The following CSMD1 variants were observed in gnomAD, a reference collection of about 807,000 sequenced individuals.
CSMD1 encodes CUB and Sushi multiple domains 1, also known as CUB and sushi domain-containing protein 1.
A neutral mutation model predicts 417.5 loss-of-function variants in CSMD1; 213 were observed. That is an observed-to-expected ratio of 0.51 (90% CI 0.46 to 0.57). The LOEUF is 0.57. Among genes scored for constraint, CSMD1 ranks in the 20% least tolerant of loss-of-function variants. The probability of loss-of-function intolerance (pLI) is 0.00; values close to 1 mark genes in which losing one functional copy is unlikely to be tolerated. For missense variants in CSMD1, 6,923 were observed against 4,529.7 expected, an observed-to-expected ratio of 1.53 and a Z score of -15.17; for synonymous variants, 2,862 against 1,736.8, an observed-to-expected ratio of 1.65 and a Z score of -16.11.
intron 1 of CSMD1, among the ~76,000 whole-genome samples, chr8:4,982,583 T>C (rs1397458811): frequency 2.6e-5 from 4 of 152,334 alleles, no homozygotes; most frequent in African/African-American, 4.8e-5. Flanking sequence ...TCTTTCTTTC[T>C]CATAGGTTCT....
chr8:4,066,366 G>T (rs933461969), intron 3 of CSMD1, among the ~76,000 whole-genome samples: 2 of 152,128 alleles, frequency 1.3e-5, no homozygotes, highest in Admixed American at 1.3e-4. Flanking sequence ...GTATTTCTAA[G>T]TCCCACTCAG....
intron 5 of CSMD1, among the ~76,000 whole-genome samples, chr8:3,759,313 A>G (rs1336281565): frequency 1.3e-5 from 2 of 152,192 alleles, no homozygotes; most frequent in Non-Finnish European, 2.9e-5. Flanking sequence ...TCCTGAGGAA[A>G]AGGACAGAAA....
At chr8:3,458,545 T>G (rs1816299553) in intron 12 of CSMD1, among the ~76,000 whole-genome samples, 2 of 152,356 alleles carry the variant, frequency 1.3e-5, no homozygotes, top group South Asian at 2.1e-4. Flanking sequence ...TATAGTTTGT[T>G]GTTATTACTT....
At chr8:4,028,625 C>A (rs1282066734) in intron 4 of CSMD1, among the ~76,000 whole-genome samples, 1 of 152,148 alleles carries the variant, frequency 6.6e-6, no homozygotes, top group Non-Finnish European at 1.5e-5. Context: ...GGCATGCTTA[C>A]AATCCTAGAT....
chr8:4,988,403 A>G (rs1811290496), intron 1 of CSMD1, among the ~76,000 whole-genome samples: 1 of 152,232 alleles, frequency 6.6e-6, no homozygotes, highest in African/African-American at 2.4e-5. Context: ...AGTAAATTGC[A>G]AAATGTATCA....
chr8:4,157,663 G>A (rs184069993), intron 3 of CSMD1, among the ~76,000 whole-genome samples: 2 of 152,166 alleles, frequency 1.3e-5, no homozygotes, highest in East Asian at 1.9e-4. Flanking sequence ...TCTGGGCATG[G>A]GGTGAGGGCA....
At chr8:3,663,110 C>A (rs1295325923) in intron 7 of CSMD1, among the ~76,000 whole-genome samples, 1 of 152,048 alleles carries the variant, frequency 6.6e-6, no homozygotes, top group Non-Finnish European at 1.5e-5. Flanking sequence ...GCAATGAAGA[C>A]CTGAAGCAGT....
intron 9 of CSMD1, among the ~76,000 whole-genome samples, chr8:3,585,856 G>A (rs551550322): frequency 9.2e-5 from 14 of 152,258 alleles, no homozygotes; most frequent in Admixed American, 7.9e-4. Context: ...CATGCACACT[G>A]TTTGTGTGTA....
At chr8:3,843,546 A>AC (rs1803273212) in intron 5 of CSMD1, among the ~76,000 whole-genome samples, 1 of 152,194 alleles carries the variant, frequency 6.6e-6, no homozygotes, top group African/African-American at 2.4e-5. Flanking sequence ...GTAAAAAAAA[A>AC]ACAAGTTATT....
intron 5 of CSMD1, among the ~76,000 whole-genome samples, chr8:3,882,526 C>T (rs866121834): frequency 6.6e-6 from 1 of 152,164 alleles, no homozygotes. Flanking sequence ...CACATGCATA[C>T]ACTGTGAGTG....
At chr8:4,654,984 A>G (rs941675434) in intron 1 of CSMD1, among the ~76,000 whole-genome samples, 2 of 152,014 alleles carry the variant, frequency 1.3e-5, no homozygotes, top group Non-Finnish European at 2.9e-5. Context: ...GACAACAAAT[A>G]ACTAACCATT....
chr8:3,401,641 C>T (rs899081582), intron 15 of CSMD1, among the ~76,000 whole-genome samples: 10 of 152,318 alleles, frequency 6.6e-5, no homozygotes, highest in Middle Eastern at 3.4e-3. Flanking sequence ...GAATTTCTCA[C>T]AAATGTGGCA....
intron 3 of CSMD1, among the ~76,000 whole-genome samples, chr8:4,417,117 A>C (rs1441876246): frequency 6.6e-6 from 1 of 152,092 alleles, no homozygotes; most frequent in Non-Finnish European, 1.5e-5. Context: ...TAATTTGAAT[A>C]TATACACTTA....
At chr8:3,579,868 C>A (rs184149793) in intron 9 of CSMD1, among the ~76,000 whole-genome samples, 1 of 152,264 alleles carries the variant, frequency 6.6e-6, no homozygotes, top group Non-Finnish European at 1.5e-5. Context: ...TTTTGGAAGG[C>A]TGAGGCGGGT....
chr8:3,941,206 G>A (rs925185155), intron 5 of CSMD1, among the ~76,000 whole-genome samples: 2 of 151,992 alleles, frequency 1.3e-5, no homozygotes, highest in African/African-American at 4.8e-5. Flanking sequence ...TTGTGCTAGA[G>A]AACAATTCAA....
intron 3 of CSMD1, among the ~76,000 whole-genome samples, chr8:4,294,681 T>C (rs939875583): frequency 1.3e-5 from 2 of 152,134 alleles, no homozygotes; most frequent in South Asian, 2.1e-4. Flanking sequence ...TTTAAAAATA[T>C]TCTAAGATGA....
At chr8:3,795,066 ATATC>A (rs1352620311) in intron 5 of CSMD1, among the ~76,000 whole-genome samples, 6 of 81,816 alleles carry the variant, frequency 7.3e-5, no homozygotes, top group Admixed American at 1.5e-4. Context: ...CTATAGATAT[ATATC>A]TATCATGTAC....
intron 3 of CSMD1, among the ~76,000 whole-genome samples, chr8:4,247,098 TGAA>T (rs892940551): frequency 5.3e-5 from 8 of 152,314 alleles, no homozygotes; most frequent in African/African-American, 1.9e-4. Context: ...TACGGTCTAG[TGAA>T]GAAAACGCCA....
chr8:3,267,648 C>T (rs941269641), intron 26 of CSMD1, among the ~76,000 whole-genome samples: 1 of 152,150 alleles, frequency 6.6e-6, no homozygotes, highest in Non-Finnish European at 1.5e-5. Flanking sequence ...AGCAAAGAGC[C>T]AACATACAGT....
Sources: gnomAD v4.1 joint callset for allele counts (sites outside exome capture counted in the v4.1 genomes callset) on GRCh38, gnomAD v4.1.1 for gene constraint, MANE v1.5 for transcripts, NCBI Gene and HGNC (gene_info 2026-07-23, HGNC 2026-07-21) for gene names.